NCALD: variants seen among roughly 807,000 people sequenced by gnomAD.
The protein encoded by NCALD is neurocalcin delta.
In NCALD, 10 loss-of-function variants were observed where a neutral mutation model predicts 18.6. That is an observed-to-expected ratio of 0.54 (90% CI 0.33 to 0.91). The LOEUF (loss-of-function observed/expected upper bound fraction) is 0.91, where lower values mean the gene tolerates loss of function less well. Among genes scored for constraint, NCALD ranks in the 40% least tolerant of loss-of-function variants. The pLI, the probability that NCALD is intolerant of heterozygous loss-of-function variation, is 0.03. For missense variants in NCALD, 184 were observed against 247.6 expected (o/e 0.74, Z 1.72); for synonymous variants, 88 against 87.4 (o/e 1.01, Z -0.04).
At chr8:101,829,992 T>TC (rs1270895557) in intron 4 of NCALD, among the ~76,000 whole-genome samples, 1 of 151,590 alleles carries the variant, frequency 6.6e-6, no homozygotes, top group Non-Finnish European at 1.5e-5. Context: ...TTTTTTTTTT[T>TC]TTGCTAACAA....
intron 2 of NCALD, among the ~76,000 whole-genome samples, chr8:101,990,014 C>T (rs1048410898): frequency 7.2e-5 from 11 of 152,154 alleles, no homozygotes; most frequent in African/African-American, 2.7e-4. Context: ...TTAGATAGTG[C>T]TTTTATTGAG....
intron 4 of NCALD, among the ~76,000 whole-genome samples, chr8:101,830,665 G>A (rs1477313449): frequency 1.3e-5 from 2 of 152,124 alleles, no homozygotes; most frequent in Non-Finnish European, 2.9e-5. Flanking sequence ...GAAGTGTGGG[G>A]CTCCACTGCC....
At position 101,689,222 on chromosome 8, in the gene NCALD, G is replaced by C; in HGVS notation, c.*87C>G. On this transcript the variant is annotated 3_prime_UTR_variant, in exon 4 of 4. Coordinates refer to ENST00000220931, the MANE Select transcript of NCALD (RefSeq NM_032041.3). This position sits in a 1 kb window ranked among gnomAD's most constrained non-coding sequence, Gnocchi z 4.4. ...AGGGGACGGCATCACCATTGATATT[G>C]TTTGGCAAAAAAAAAAAAAAATTGT... The C allele has an allele frequency of 8.0e-7, 1 of 1,244,738 alleles. No homozygotes were observed. Among genetic ancestry groups the C allele is most frequent in the South Asian group, 1.3e-5 (1 of 75,944 alleles). The allele number at this position is 1,244,738 out of a possible 1,614,324, so 77.1% of individuals were successfully genotyped here.
chr8:101,812,347 G>C (rs1027006293), intron 4 of NCALD, among the ~76,000 whole-genome samples: 2 of 152,088 alleles, frequency 1.3e-5, no homozygotes, highest in African/African-American at 4.8e-5. Context: ...CATCCAAAAT[G>C]AGATGTTCAG....
intron 1 of NCALD, among the ~76,000 whole-genome samples, chr8:102,106,737 G>T (rs1587096040): frequency 1.3e-5 from 2 of 152,132 alleles, no homozygotes; most frequent in African/African-American, 2.4e-5. Flanking sequence ...GCAGCTTCTT[G>T]TTCTTGTAGG....
At position 101,731,384 on chromosome 8, in the gene NCALD, G is replaced by A. The variant is rs1473700034; in HGVS notation, c.-19-11736C>T. On this transcript the variant is annotated intron_variant, in intron 1 of 3. Coordinates refer to ENST00000220931, the MANE Select transcript of NCALD (RefSeq NM_032041.3). ...AACTTATTCTTTCCAATGACATGAA[G>A]AACCTCTTTGCAGTAAATTCTCCAA... 1.3e-5 allele frequency among the ~76,000 whole-genome samples: 2 copies of A among 152,146 alleles called. 1 individual carries two copies. Among genetic ancestry groups the A allele is most frequent in the Non-Finnish European group, 2.9e-5 (2 of 68,028 alleles).
At chr8:102,021,983 A>C (rs1303004508) in intron 1 of NCALD, among the ~76,000 whole-genome samples, 1 of 152,214 alleles carries the variant, frequency 6.6e-6, no homozygotes, top group Non-Finnish European at 1.5e-5. Context: ...AAATGGACAT[A>C]CAGAATTAGA....
intron 1 of NCALD, among the ~76,000 whole-genome samples, chr8:102,118,551 C>T (rs1196739668): frequency 1.3e-5 from 2 of 152,174 alleles, no homozygotes; most frequent in Non-Finnish European, 2.9e-5. Context: ...CTATTATTAG[C>T]AACAGTAGTC....
At chr8:101,793,123 G>A (rs574419523), upstream of NCALD, among the ~76,000 whole-genome samples, 4 of 152,078 alleles carry the variant, frequency 2.6e-5, no homozygotes, top group South Asian at 2.1e-4. Context: ...GGCTGAGGCC[G>A]GTGGATCACA....
intron 1 of NCALD, among the ~76,000 whole-genome samples, chr8:102,032,750 C>T (rs917701727): frequency 6.6e-6 from 1 of 151,816 alleles, no homozygotes; most frequent in Non-Finnish European, 1.5e-5. Flanking sequence ...GCAGAGAAGG[C>T]TGTCAATAAT....
At chr8:101,694,727 C>G (rs536362051) in intron 2 of NCALD, among the ~76,000 whole-genome samples, 4 of 152,126 alleles carry the variant, frequency 2.6e-5, no homozygotes, top group Admixed American at 1.3e-4. Flanking sequence ...ATCATGGTCC[C>G]CTGCCTGCTG....
intron 4 of NCALD, among the ~76,000 whole-genome samples, chr8:101,879,615 C>T (rs562164296): frequency 1.3e-5 from 2 of 152,298 alleles, no homozygotes; most frequent in South Asian, 4.1e-4. Context: ...TGCTTTTATT[C>T]CCTTACCTGG....
At chr8:101,703,678 G>A (rs922347630) in intron 2 of NCALD, among the ~76,000 whole-genome samples, 3 of 152,218 alleles carry the variant, frequency 2.0e-5, no homozygotes, top group Admixed American at 2.0e-4. Context: ...AGTGCCAGGA[G>A]CAGGGACCTA....
intron 1 of NCALD, among the ~76,000 whole-genome samples, chr8:101,755,087 G>A (rs1201367285): frequency 6.6e-6 from 1 of 152,188 alleles, no homozygotes; most frequent in Admixed American, 6.5e-5. Context: ...ATTTCTTTGT[G>A]TGTGAGTCTC....
At chr8:101,871,982 T>C (rs968809474) in intron 4 of NCALD, 9 of 812,120 alleles carry the variant, frequency 1.1e-5, no homozygotes, top group Non-Finnish European at 1.9e-5. Flanking sequence ...TCATCTCTGG[T>C]CAGGTTCATG....
Position 101,731,229 on chromosome 8 carries a change from T to C in NCALD, c.-19-11581A>G, listed in dbSNP as rs1205871737. On this transcript the variant is annotated intron_variant, in intron 1 of 3. Transcript: ENST00000220931. The stretch of plus-strand genomic sequence containing the variant: ...GTATGAGGGTATGAAGGAGATGACG[T>C]CAGCACCATCATGCGGGGCCAGGTG... Among the ~76,000 whole-genome samples, 3 of 152,112 alleles carry C rather than the reference T, an allele frequency of 2.0e-5. No individual in the cohort carries two copies. In the East Asian group the frequency reaches 5.8e-4, roughly 29 times the overall value.
intron 2 of NCALD, among the ~76,000 whole-genome samples, chr8:102,008,109 T>C (rs1056039596): frequency 6.6e-6 from 1 of 152,224 alleles, no homozygotes; most frequent in Non-Finnish European, 1.5e-5. Context: ...GGTGAAAATG[T>C]TGACATTATT....
intron 1 of NCALD, among the ~76,000 whole-genome samples, chr8:102,059,292 CTT>C (rs1823760715): frequency 2.0e-5 from 3 of 152,212 alleles, no homozygotes; most frequent in South Asian, 4.1e-4. Context: ...TATCCATCCT[CTT>C]TGCTCCCAAA....
At chr8:102,059,179 C>T (rs1459502211) in intron 1 of NCALD, among the ~76,000 whole-genome samples, 1 of 152,220 alleles carries the variant, frequency 6.6e-6, no homozygotes, top group Non-Finnish European at 1.5e-5. Context: ...TTCTCTCCTA[C>T]CTCTACTACA....
Sources: allele counts gnomAD v4.1 joint callset (sites outside exome capture counted in the v4.1 genomes callset), GRCh38; gene constraint gnomAD v4.1.1; non-coding constraint Gnocchi (gnomAD v3.1); transcripts MANE v1.5; gene names NCBI Gene and HGNC (gene_info 2026-07-23, HGNC 2026-07-21).